Variants in IL6ST observed in about 807,000 individuals in gnomAD.
IL6ST encodes interleukin-6 receptor subunit beta.
In IL6ST, 24 loss-of-function variants were observed where a neutral mutation model predicts 91.3. The ratio of observed to expected loss-of-function variants is 0.26; its 90% CI spans 0.19 to 0.37. IL6ST has a LOEUF of 0.37. Ranked by LOEUF, IL6ST falls within the 10% of genes least tolerant of loss-of-function variation. IL6ST has a pLI of 1.00. For synonymous variants in IL6ST, 351 were observed against 373.6 expected (o/e 0.94, Z 0.70); for missense variants, 914 against 1,078.5 (o/e 0.85, Z 2.14).
At chr5:55,981,359 TTA>T (rs1753658311) in intron 2 of IL6ST, among the ~76,000 whole-genome samples, 1 of 152,126 alleles carries the variant, frequency 6.6e-6, no homozygotes, top group South Asian at 2.1e-4. Flanking sequence ...ATTGACAGAA[TTA>T]TGGCCGGGTG....
At chr5:55,956,500 T>C (rs1184909759) in intron 9 of IL6ST, among the ~76,000 whole-genome samples, 1 of 152,256 alleles carries the variant, frequency 6.6e-6, no homozygotes, top group Non-Finnish European at 1.5e-5. Context: ...ACTGTGGCTA[T>C]GTAGGTCTAA....
intron 3 of IL6ST, among the ~76,000 whole-genome samples, chr5:55,972,683 G>C (rs1753030815): frequency 6.6e-6 from 1 of 151,870 alleles, no homozygotes; most frequent in Non-Finnish European, 1.5e-5. Context: ...ATGTTTATAG[G>C]GCAAGATGAA....
chr5:55,950,601 G>C (rs1751576190), intron 14 of IL6ST, among the ~76,000 whole-genome samples: 2 of 150,234 alleles, frequency 1.3e-5, no homozygotes. Context: ...AAAGAACAAG[G>C]AGACTCAGGA....
rs2228043 is a variant in IL6ST at position 55,956,103 on chromosome 5, G to C, written c.1189C>G (p.Leu397Val). Residue 397 changes from leucine (L) to valine (V), a missense_variant, in exon 10 of 17, where the codon CTA becomes GTA. Physicochemically the swap from Leu to Val is conservative, Grantham distance 32 (BLOSUM62 1). Transcript: ENST00000381298. Reference sequence around the variant, plus strand: ...AGATTTCTTACTGTTAGGGTTGCTAGATAGCGATCATTTGTGAGATTTACT... The same window carrying C: ...AGATTTCTTACTGTTAGGGTTGCTACATAGCGATCATTTGTGAGATTTACT... ...LTVNLTNDRY[L>V]ATLTVRNLVG... 0.13 allele frequency: 202,189 copies of C among 1,611,530 alleles called. 15,056 individuals are homozygous for C. The highest frequency in any genetic ancestry group is 0.33 in the African/African-American group (24,541 of 74,856).
intron 2 of IL6ST, among the ~76,000 whole-genome samples, chr5:55,982,461 A>G (rs1753724850): frequency 6.6e-6 from 1 of 152,174 alleles, no homozygotes; most frequent in Admixed American, 6.6e-5. Flanking sequence ...AAACTGCCAG[A>G]AGTTGGTAAT....
At chr5:55,941,999 A>G (rs1306772232) in intron 16 of IL6ST, among the ~76,000 whole-genome samples, 180 bp from the exon 17 acceptor site, 1 of 152,204 alleles carries the variant, frequency 6.6e-6, no homozygotes, top group African/African-American at 2.4e-5. Context: ...CTAAATCAAT[A>G]TTGTTGGTGT....
chr5:55,974,001 T>C (rs1305983003), intron 3 of IL6ST, among the ~76,000 whole-genome samples: 1 of 152,152 alleles, frequency 6.6e-6, no homozygotes, highest in Middle Eastern at 3.2e-3. Context: ...ATAAGAAATA[T>C]ACATTGGGTG....
intron 8 of IL6ST, among the ~76,000 whole-genome samples, chr5:55,957,582 T>A (rs1465454862): frequency 6.6e-6 from 1 of 152,324 alleles, no homozygotes; most frequent in South Asian, 2.1e-4. Context: ...TATAACTTCA[T>A]GTTCTTTATT....
rs145684339 is a variant in IL6ST at position 55,984,556 on chromosome 5, G to A, written c.-103-1745C>T. On this transcript the variant is annotated intron_variant, in intron 1 of 16. Coordinates refer to ENST00000381298, the MANE Select transcript of IL6ST (RefSeq NM_002184.4). ...CGATGGCTACCACCAGAAGCTAGGA[G>A]AGGCAAAGGAAGATTCTATCCAAAG... is the stretch of plus-strand genomic sequence containing the variant. Among the ~76,000 whole-genome samples the A allele has an allele frequency of 3.4e-3, 517 of 152,322 alleles. 4 individuals are homozygous for A. The highest frequency in any genetic ancestry group is 0.012 in the African/African-American group (487 of 41,568).
In IL6ST at chr5:55,951,884, A is replaced by G. The variant is rs772995817; in HGVS notation, c.1699+45T>C. ...GACTTAAATTAGTACTTAAAAGCTTAAGGAAAAAATAACTGATTCTTAATA... is the reference window on the plus strand; with the variant it reads ...GACTTAAATTAGTACTTAAAAGCTTGAGGAAAAAATAACTGATTCTTAATA... On this transcript the variant is annotated intron_variant, in intron 13 of 16. Transcript: ENST00000381298. 3.3e-6 allele frequency: 4 copies of G among 1,217,878 alleles called. No individual in the cohort carries two copies. The South Asian group carries it at 4.1e-5, about 13-fold the overall frequency. The allele number at this position is 1,217,878 out of a possible 1,614,324, so 75.4% of individuals were successfully genotyped here.
Position 55,941,397 on chromosome 5 carries a change from G to A in IL6ST, c.2442C>T (p.Tyr814=). The A allele has an allele frequency of 1.2e-6, 2 of 1,614,148 alleles. No homozygotes were observed. The highest frequency in any genetic ancestry group is 1.7e-6 in the Non-Finnish European group (2 of 1,179,980). ...GGDGILPRQQ[Y]FKQNCSQHES... ...CATGCTGACTGCAGTTCTGTTTGAA[G>A]TACTGTTGCCTGGGCAAAATACCAT... The change falls in exon 17 of 17, where the codon TAC becomes TAT. Residue 814 remains tyrosine, a synonymous_variant. Coordinates refer to ENST00000381298, the MANE Select transcript of IL6ST (RefSeq NM_002184.4).
Position 55,951,751 on chromosome 5 carries a change from T to A in IL6ST, c.1700-147A>T, listed in dbSNP as rs1751647008. 2.2e-5 allele frequency: 19 copies of A among 844,852 alleles called. No homozygotes were observed. The East Asian group carries it at 4.9e-4, about 22-fold the overall frequency. 52.3% of individuals were successfully genotyped at this position (844,852 alleles called of 1,614,324 possible). ...ATAATGTTCTGACATAATTTTATGT[T>A]CTAAAGCACAACACAATACTTTTTC... On this transcript the variant is annotated intron_variant, in intron 13 of 16. Transcript: ENST00000381298.
chr5:55,957,565 T>C (rs1293920749), intron 8 of IL6ST, among the ~76,000 whole-genome samples: 1 of 152,168 alleles, frequency 6.6e-6, no homozygotes, highest in African/African-American at 2.4e-5. Context: ...GAGGCATCAC[T>C]CTTTCTTATA....
intron 2 of IL6ST, among the ~76,000 whole-genome samples, chr5:55,980,790 A>G (rs1028193574): frequency 8.5e-5 from 13 of 152,192 alleles, no homozygotes; most frequent in African/African-American, 3.1e-4. Flanking sequence ...ATGGCTTCCT[A>G]GTTCTGCACT....
chr5:55,971,769 G>A (rs966050829), intron 3 of IL6ST, among the ~76,000 whole-genome samples: 12 of 152,148 alleles, frequency 7.9e-5, no homozygotes, highest in African/African-American at 2.9e-4. Context: ...AAGAGGTCAA[G>A]GCTGCAGTGA....
In IL6ST at chr5:55,978,833, T is replaced by G. The variant is rs182569958; in HGVS notation, c.-15-2540A>C. Among the ~76,000 whole-genome samples the G allele has an allele frequency of 1.7e-3, 207 of 124,760 alleles. No homozygotes were observed. In the Middle Eastern group the frequency reaches 0.019, roughly 11 times the overall value. The allele number at this position is 124,760 out of a possible 152,430, so 81.8% of individuals were successfully genotyped here. On this transcript the variant is annotated intron_variant, in intron 2 of 16. Transcript: ENST00000381298. Reference sequence around the variant, plus strand: ...AAGTTGTAACTAAAAAATGGTGAATTTTATTGTTTATAAATTAGACCTTAA... The same window carrying G: ...AAGTTGTAACTAAAAAATGGTGAATGTTATTGTTTATAAATTAGACCTTAA...
rs911794855 is a variant in IL6ST, at chr5:55,969,669, C to T, written c.251G>A (p.Arg84Lys). The change falls in exon 4 of 17, where the codon AGA (arginine) becomes AAA (lysine). Residue 84 changes from arginine to lysine, a missense_variant. Physicochemically the swap from Arg to Lys is conservative, Grantham distance 26. Coordinates refer to ENST00000381298, the MANE Select transcript of IL6ST (RefSeq NM_002184.4). ...IPKEQYTIINRTASSVTFTDI... is the reference protein window; with the variant it reads ...IPKEQYTIINKTASSVTFTDI... Reference sequence around the variant, plus strand: ...TGTAAAGGTGACACTGGATGCTGTTCTGTTTATGATAGTATATTGCTCCTT... The same window carrying T: ...TGTAAAGGTGACACTGGATGCTGTTTTGTTTATGATAGTATATTGCTCCTT... The T allele has an allele frequency of 1.1e-5, 18 of 1,612,558 alleles. No individual in the cohort carries two copies. The highest frequency in any genetic ancestry group is 1.5e-5 in the Non-Finnish European group (18 of 1,178,728).
chr5:55,939,101 C>T lies in IL6ST; in HGVS notation c.*1981G>A, dbSNP rs929814446. The T allele has an allele frequency of 2.4e-5, 5 of 206,724 alleles. No homozygotes were observed. Among genetic ancestry groups the T allele is most frequent in the Admixed American group, 5.9e-5 (1 of 16,852 alleles). 12.8% of individuals were successfully genotyped at this position (206,724 alleles called of 1,614,324 possible). Reference sequence around the variant, plus strand: ...TTGCAGCTAAATATTAGTCATGTGACTTAAATTTTGAGAAAATGGAAAATG... The same window carrying T: ...TTGCAGCTAAATATTAGTCATGTGATTTAAATTTTGAGAAAATGGAAAATG... On this transcript the variant is annotated 3_prime_UTR_variant, in exon 17 of 17. Transcript: ENST00000381298.
At chr5:55,985,043 G>C (rs1450820970) in intron 1 of IL6ST, among the ~76,000 whole-genome samples, 1 of 152,160 alleles carries the variant, frequency 6.6e-6, no homozygotes, top group Non-Finnish European at 1.5e-5. Context: ...ATTAAGTTTT[G>C]AAAGTTCTAA....
Sources: gnomAD v4.1 joint callset for allele counts (sites outside exome capture counted in the v4.1 genomes callset) on GRCh38, gnomAD v4.1.1 for gene constraint, MANE v1.5 for transcripts, NCBI Gene and HGNC (gene_info 2026-07-23, HGNC 2026-07-21) for gene names.